The following ABCA13 variants were observed in gnomAD, a reference collection of about 807,000 sequenced individuals.
ABCA13 encodes ATP binding cassette subfamily A member 13.
A neutral mutation model predicts 478.7 loss-of-function variants in ABCA13; 476 were observed. The ratio of observed to expected loss-of-function variants is 0.99; its 90% CI spans 0.92 to 1.07. The LOEUF (loss-of-function observed/expected upper bound fraction) is 1.07, where lower values mean the gene tolerates loss of function less well. Among genes scored for constraint, ABCA13 ranks in the 50% least tolerant of loss-of-function variants. The probability of loss-of-function intolerance (pLI) is 0.00; values close to 1 mark genes in which losing one functional copy is unlikely to be tolerated. For missense variants in ABCA13, 6,060 were observed against 5,910.6 expected (o/e 1.03, Z -0.83); for synonymous variants, 2,252 against 2,158.9 (o/e 1.04, Z -1.20).
At chr7:48,594,908 A>G in intron 58 of ABCA13, 95 bp downstream of exon 58, 1 of 982,848 alleles carries the variant, frequency 1.0e-6, no homozygotes, top group Non-Finnish European at 1.6e-6. Flanking sequence ...TTACACATGG[A>G]CATTTCTTAA....
intron 37 of ABCA13, 90 bp downstream of exon 37, chr7:48,389,310 C>G (rs1251473141): frequency 2.1e-6 from 3 of 1,428,396 alleles, no homozygotes; most frequent in East Asian, 2.5e-5. Flanking sequence ...ATTTCTTTTC[C>G]TTTTTTTAAA....
At chr7:48,424,126 C>T (rs1821114042) in intron 41 of ABCA13, among the ~76,000 whole-genome samples, 1 of 152,136 alleles carries the variant, frequency 6.6e-6, no homozygotes, top group Non-Finnish European at 1.5e-5. Context: ...AAAGTGTAGC[C>T]AGGACATTAG....
chr7:48,587,599 C>T (rs573994007), intron 57 of ABCA13, among the ~76,000 whole-genome samples: 93 of 152,250 alleles, frequency 6.1e-4, no homozygotes, highest in African/African-American at 2.1e-3. Flanking sequence ...ATGTTTTCCT[C>T]TAGAATATTG....
At chr7:48,570,455 G>C (rs1310888166) in intron 55 of ABCA13, among the ~76,000 whole-genome samples, 1 of 150,552 alleles carries the variant, frequency 6.6e-6, no homozygotes. Context: ...CTCCCAAGTA[G>C]CTGGGACTAC....
At chr7:48,441,538 A>T (rs192327346) in intron 42 of ABCA13, among the ~76,000 whole-genome samples, 1 of 152,198 alleles carries the variant, frequency 6.6e-6, no homozygotes, top group Non-Finnish European at 1.5e-5. Flanking sequence ...ATACTTTTTA[A>T]TCATAGGGAC....
intron 5 of ABCA13, among the ~76,000 whole-genome samples, chr7:48,223,548 A>G (rs1193176936): frequency 1.3e-5 from 2 of 152,062 alleles, no homozygotes; most frequent in Non-Finnish European, 2.9e-5. Context: ...ATCATGTAAG[A>G]AGAGGATGGA....
In ABCA13 at chr7:48,390,406, T is replaced by A. The variant is rs78222818; in HGVS notation, c.11654+1186T>A. Among the ~76,000 whole-genome samples, 463 of 152,340 alleles carry A rather than the reference T, an allele frequency of 3.0e-3. 16 individuals are homozygous for A. The East Asian group carries it at 0.082, about 27-fold the overall frequency. ...CAGTCTTTGAGACTTCTAGGGAATG[T>A]GTATAAACTATTTTATAGTATCCCC... On this transcript the variant is annotated intron_variant, in intron 37 of 61. Transcript: ENST00000435803.
intron 38 of ABCA13, among the ~76,000 whole-genome samples, chr7:48,397,678 T>G (rs1362174634): frequency 2.0e-5 from 3 of 152,172 alleles, no homozygotes; most frequent in Non-Finnish European, 2.9e-5. Flanking sequence ...GGATCAGTAT[T>G]TGTTTAGATG....
chr7:48,596,093 C>T (rs1162389518), intron 58 of ABCA13, among the ~76,000 whole-genome samples: 1 of 152,230 alleles, frequency 6.6e-6, no homozygotes, highest in Non-Finnish European at 1.5e-5. Flanking sequence ...ACTCAGCATG[C>T]ATAATCCTAT....
chr7:48,615,980 A>G (rs1792530921), intron 59 of ABCA13, among the ~76,000 whole-genome samples: 1 of 151,690 alleles, frequency 6.6e-6, no homozygotes, highest in Admixed American at 6.6e-5. Context: ...TTTGTTATCA[A>G]TTTGTGTGAG....
chr7:48,317,020 C>A, intron 26 of ABCA13, 137 bp from the exon 27 acceptor site: 1 of 1,063,894 alleles, frequency 9.4e-7, no homozygotes, highest in Non-Finnish European at 1.3e-6. Flanking sequence ...TATAGCACTC[C>A]CAAAGTTCAG....
chr7:48,572,559 A>G (rs1787773080), intron 55 of ABCA13, among the ~76,000 whole-genome samples: 1 of 152,136 alleles, frequency 6.6e-6, no homozygotes, highest in Non-Finnish European at 1.5e-5. Flanking sequence ...AATAATTTTT[A>G]AATTTTATTT....
chr7:48,334,807 A>T (rs1805984283), intron 27 of ABCA13, among the ~76,000 whole-genome samples: 1 of 152,170 alleles, frequency 6.6e-6, no homozygotes, highest in Middle Eastern at 3.2e-3. Flanking sequence ...CATTTAGACT[A>T]TTTTCAGTAT....
chr7:48,535,180 T>C (rs1833486263), intron 55 of ABCA13, among the ~76,000 whole-genome samples: 1 of 152,150 alleles, frequency 6.6e-6, no homozygotes, highest in African/African-American at 2.4e-5. Context: ...GCTGTTTAGA[T>C]TCTTTTGTCC....
chr7:48,309,093 C>A (rs1411603509), intron 23 of ABCA13, among the ~76,000 whole-genome samples: 1 of 149,692 alleles, frequency 6.7e-6, no homozygotes, highest in Non-Finnish European at 1.5e-5. Context: ...CTCTGGAGGA[C>A]CCTGACTACT....
intron 8 of ABCA13, among the ~76,000 whole-genome samples, chr7:48,235,771 C>T (rs1202821509): frequency 6.6e-6 from 1 of 152,066 alleles, no homozygotes; most frequent in Non-Finnish European, 1.5e-5. Context: ...AGAGGAAAAC[C>T]AGTTATTGTG....
At chr7:48,538,273 G>GT (rs1309620821) in intron 55 of ABCA13, among the ~76,000 whole-genome samples, 1 of 151,570 alleles carries the variant, frequency 6.6e-6, no homozygotes, top group East Asian at 1.9e-4. Context: ...ACTACATTTT[G>GT]TATTTTTAGT....
chr7:48,628,912 A>G (rs1308986646), intron 59 of ABCA13, among the ~76,000 whole-genome samples: 6 of 152,238 alleles, frequency 3.9e-5, no homozygotes, highest in Non-Finnish European at 7.3e-5. Flanking sequence ...CCACTCAAGC[A>G]TTCAGCTTCT....
intron 38 of ABCA13, among the ~76,000 whole-genome samples, chr7:48,400,322 C>T (rs1222198003): frequency 1.3e-5 from 2 of 152,206 alleles, no homozygotes; most frequent in East Asian, 3.9e-4. Context: ...GTTCAGTAAA[C>T]ATTCCTTGAA....
Sources: allele counts gnomAD v4.1 joint callset (sites outside exome capture counted in the v4.1 genomes callset), GRCh38; gene constraint gnomAD v4.1.1; transcripts MANE v1.5; gene names NCBI Gene and HGNC (gene_info 2026-07-23, HGNC 2026-07-21).